Variants in ZNF800 observed in about 807,000 individuals in gnomAD.
The protein encoded by ZNF800 is zinc finger protein 800.
ZNF800 carries 13 observed loss-of-function variants against 59.5 expected under a neutral mutation model. The ratio of observed to expected loss-of-function variants is 0.22; its 90% CI spans 0.14 to 0.35. The LOEUF is 0.35. Among genes scored for constraint, ZNF800 ranks in the 10% least tolerant of loss-of-function variants. ZNF800 has a pLI of 1.00. For synonymous variants in ZNF800, 266 were observed against 265.7 expected (o/e 1.00, Z -0.01); for missense variants, 621 against 783.7 (o/e 0.79, Z 2.48).
In ZNF800 at chr7:127,371,825, A is replaced by G; in HGVS notation, c.*-11T>C. 1 of 767,376 alleles carries G rather than the reference A, an allele frequency of 1.3e-6. No individual in the cohort carries two copies. Among genetic ancestry groups the G allele is most frequent in the Non-Finnish European group, 2.4e-6 (1 of 412,216 alleles). 47.5% of individuals were successfully genotyped at this position (767,376 alleles called of 1,614,324 possible). On this transcript the variant is annotated splice_polypyrimidine_tract_variant and intron_variant, in intron 5 of 5. Coordinates refer to ENST00000265827, the MANE Select transcript of ZNF800 (RefSeq NM_176814.5). Reference sequence around the variant, plus strand: ...ATCACTTGAAGTTATCTGAGGAGAAATGGGAATAAATGAACACTTTTGAGT... The same window carrying G: ...ATCACTTGAAGTTATCTGAGGAGAAGTGGGAATAAATGAACACTTTTGAGT...
chr7:127,370,764 AC>A lies in ZNF800; in HGVS notation c.*1049del, dbSNP rs1587435655. On this transcript the variant is annotated 3_prime_UTR_variant, in exon 6 of 6. Transcript: ENST00000265827. ...CCCAAAATTTCATAAAGATAGATGT[AC>A]TTCTGTTTTTCCTAAAATCTTGATT... 6.6e-6 allele frequency: 1 copy of A among 152,574 alleles called. No individual in the cohort carries two copies. The highest frequency in any genetic ancestry group is 1.5e-5 in the Non-Finnish European group (1 of 67,974). The allele number at this position is 152,574 out of a possible 1,614,324, so 9.5% of individuals were successfully genotyped here.
At chr7:127,390,230 T>C (rs570719336) in intron 2 of ZNF800, among the ~76,000 whole-genome samples, 8 of 152,096 alleles carry the variant, frequency 5.3e-5, no homozygotes, top group Admixed American at 3.3e-4. Context: ...GGCACTCACA[T>C]CTGTATAGTT....
chr7:127,376,675 T>C (rs1000378191), intron 4 of ZNF800, among the ~76,000 whole-genome samples: 3 of 151,866 alleles, frequency 2.0e-5, no homozygotes, highest in Non-Finnish European at 2.9e-5. Context: ...ACCTAGAAAA[T>C]ACTAGAAAGA....
chr7:127,374,813 T>G lies in ZNF800; in HGVS notation c.523A>C (p.Thr175Pro), dbSNP rs1202116673. Residue 175 changes from threonine to proline, a missense_variant, in exon 5 of 6, where the codon ACT (threonine) becomes CCT (proline). Around this residue, in one of 7 missense-constraint regions of ZNF800, gnomAD observed 218 missense variants for 230.8 expected, o/e 0.94. Coordinates refer to ENST00000265827, the MANE Select transcript of ZNF800 (RefSeq NM_176814.5). ...QTEVQIQETS[T>P]EQSKTVPVTD... is the part of the protein sequence containing the mutation. ...ACCGGTACTGTTTTTGACTGTTCAGTGCTAGTTTCCTGTATCTGAACTTCG... is the reference window on the plus strand; with the variant it reads ...ACCGGTACTGTTTTTGACTGTTCAGGGCTAGTTTCCTGTATCTGAACTTCG... 1.2e-6 allele frequency: 2 copies of G among 1,613,544 alleles called. No individual in the cohort carries two copies. The highest frequency in any genetic ancestry group is 8.5e-7 in the Non-Finnish European group (1 of 1,179,758).
At chr7:127,375,080 T>G in intron 4 of ZNF800, 46 bp from the exon 5 acceptor site, 1 of 1,437,348 alleles carries the variant, frequency 7.0e-7, no homozygotes. Context: ...ATTAGCCTGC[T>G]GTAGCCCTCT....
intron 2 of ZNF800, among the ~76,000 whole-genome samples, chr7:127,389,241 C>T (rs17866107): frequency 0.026 from 3,975 of 152,174 alleles, 163 homozygotes; most frequent in African/African-American, 0.091. Context: ...CATGTAACAA[C>T]TGATGGAGTT....
chr7:127,367,743 C>T (rs17866819), downstream of ZNF800, among the ~76,000 whole-genome samples: 3,527 of 152,160 alleles, frequency 0.023, 119 homozygotes, highest in African/African-American at 0.081. Flanking sequence ...GGCTTACTTG[C>T]CTTAATACCA....
At chr7:127,356,099 T>C (rs553113416) in intron 1 of ZNF800, among the ~76,000 whole-genome samples, 2 of 152,098 alleles carry the variant, frequency 1.3e-5, no homozygotes, top group Admixed American at 6.6e-5. Flanking sequence ...TTTAACTATA[T>C]GAAAAAATGT....
chr7:127,376,198 G>A (rs1800784203), intron 4 of ZNF800, among the ~76,000 whole-genome samples: 2 of 151,854 alleles, frequency 1.3e-5, no homozygotes, highest in Non-Finnish European at 2.9e-5. Context: ...TTTAATCAAT[G>A]CTGTATAATA....
rs112642890 is a variant in ZNF800, at chr7:127,380,986, A to G, written c.158-3657T>C. ...AGGGTTTATCTTGTGTTATTCTTTA[A>G]TGGCAAGTGCATTGCATGTACTGGT... On this transcript the variant is annotated intron_variant, in intron 3 of 5. Coordinates refer to ENST00000265827, the MANE Select transcript of ZNF800 (RefSeq NM_176814.5). Among the ~76,000 whole-genome samples, 362 of 152,334 alleles carry G rather than the reference A, an allele frequency of 2.4e-3. 2 individuals carry two copies. Among genetic ancestry groups the G allele is most frequent in the African/African-American group, 7.9e-3 (328 of 41,584 alleles).
chr7:127,355,304 T>C (rs534746161), intron 1 of ZNF800, among the ~76,000 whole-genome samples: 1 of 152,164 alleles, frequency 6.6e-6, no homozygotes, highest in Admixed American at 6.5e-5. Context: ...AACTTATTGA[T>C]AGCTTACAGG....
intron 1 of ZNF800, among the ~76,000 whole-genome samples, chr7:127,352,383 C>A (rs973762455): frequency 2.0e-5 from 3 of 148,252 alleles, no homozygotes; most frequent in African/African-American, 7.5e-5. Flanking sequence ...GTCTATAATA[C>A]CTCTGTAAGA....
Position 127,386,107 on chromosome 7 carries a change from T to C in ZNF800, c.110A>G (p.Gln37Arg), listed in dbSNP as rs1370770673. The change falls in exon 3 of 6, where the codon CAG becomes CGG. Residue 37 changes from glutamine to arginine, a missense_variant. Around this residue, in one of 7 missense-constraint regions of ZNF800, gnomAD observed 57 missense variants for 77.1 expected, o/e 0.74. Coordinates refer to ENST00000265827, the MANE Select transcript of ZNF800 (RefSeq NM_176814.5). ...TTGTTGAATACCAGATTTGGATGTC[T>C]GTAGTGGTTGCTGTAACAAAGGAGG... ...GDPPLLQQPL[Q>R]TSKSGIQQII... 1.9e-6 allele frequency: 3 copies of C among 1,611,998 alleles called. No homozygotes were observed. The highest frequency in any genetic ancestry group is 1.7e-4 in the Middle Eastern group (1 of 6,056).
chr7:127,391,665 C>A (rs528201075), intron 1 of ZNF800, 50 bp from the exon 2 acceptor site: 2 of 943,888 alleles, frequency 2.1e-6, no homozygotes, highest in South Asian at 2.7e-5. Flanking sequence ...TCCTGGGGGG[C>A]ACTGGCTGCA....
intron 1 of ZNF800, among the ~76,000 whole-genome samples, chr7:127,353,896 A>C (rs1028026638): frequency 1.3e-5 from 2 of 151,746 alleles, no homozygotes; most frequent in Admixed American, 6.6e-5. Flanking sequence ...TTTTATATAG[A>C]TGATCATGAA....
chr7:127,359,415 T>C (rs1800348187), intron 1 of ZNF800, among the ~76,000 whole-genome samples: 1 of 152,176 alleles, frequency 6.6e-6, no homozygotes, highest in African/African-American at 2.4e-5. Flanking sequence ...TTTCCACCTC[T>C]GTATGCAACA....
chr7:127,378,362 CA>C (rs1800849785), intron 3 of ZNF800, among the ~76,000 whole-genome samples: 1 of 152,040 alleles, frequency 6.6e-6, no homozygotes, highest in Non-Finnish European at 1.5e-5. Flanking sequence ...GGTAAGGTGG[CA>C]AAACTGATCT....
chr7:127,358,142 T>C (rs1211843338), intron 1 of ZNF800, among the ~76,000 whole-genome samples: 1 of 151,954 alleles, frequency 6.6e-6, no homozygotes, highest in Non-Finnish European at 1.5e-5. Context: ...CTCTACCACC[T>C]CAAACTCAAC....
At chr7:127,380,622 C>A (rs781750101) in intron 3 of ZNF800, among the ~76,000 whole-genome samples, 1 of 152,192 alleles carries the variant, frequency 6.6e-6, no homozygotes, top group Non-Finnish European at 1.5e-5. Flanking sequence ...CAATTGGACA[C>A]AGCCAACTCT....
Sources: gnomAD v4.1 joint callset for allele counts (sites outside exome capture counted in the v4.1 genomes callset) on GRCh38, gnomAD v4.1.1 for gene constraint, gnomAD v4.1.1 regional missense constraint, MANE v1.5 for transcripts, NCBI Gene and HGNC (gene_info 2026-07-23, HGNC 2026-07-21) for gene names.